The following ZBBX variants were observed in gnomAD, a reference collection of about 807,000 sequenced individuals.
ZBBX encodes the protein zinc finger B-box domain containing, also known as zinc finger B-box domain-containing protein 1.
A neutral mutation model predicts 108.5 loss-of-function variants in ZBBX; 101 were observed. The observed-to-expected ratio is 0.93, with a 90% confidence interval of 0.79 to 1.10. The LOEUF (loss-of-function observed/expected upper bound fraction) is 1.10, where lower values mean the gene tolerates loss of function less well. Among genes scored for constraint, ZBBX ranks in the 50% least tolerant of loss-of-function variants. ZBBX has a pLI of 0.00. For synonymous variants in ZBBX, 356 were observed against 323.4 expected (o/e 1.10, Z -1.08); for missense variants, 1,009 against 941.4 (o/e 1.07, Z -0.94).
At chr3:167,194,846 C>T in the ZBBX span, among the ~76,000 whole-genome samples, 1 of 152,188 alleles carries the variant, frequency 6.6e-6, no homozygotes, top group Non-Finnish European at 1.5e-5. Context: ...GCTAATGAAG[C>T]TCAAGCTTCA....
At chr3:167,383,351 A>T (rs1402008392), upstream of ZBBX, among the ~76,000 whole-genome samples, 3 of 152,044 alleles carry the variant, frequency 2.0e-5, no homozygotes, top group Non-Finnish European at 2.9e-5. Flanking sequence ...TGCTAAATAT[A>T]ACATCCTATT....
the ZBBX span, among the ~76,000 whole-genome samples, chr3:167,231,925 A>T: frequency 6.6e-6 from 1 of 151,808 alleles, no homozygotes; most frequent in East Asian, 1.9e-4. Context: ...AAATAGAATA[A>T]TTTTTCTAAA....
intron 18 of ZBBX, among the ~76,000 whole-genome samples, chr3:167,297,370 C>A (rs1183955883): frequency 1.3e-5 from 2 of 151,866 alleles, no homozygotes. Flanking sequence ...CCTTTGATAC[C>A]ATGTACAAAA....
the ZBBX span, among the ~76,000 whole-genome samples, chr3:167,191,844 T>C: frequency 6.8e-6 from 1 of 146,828 alleles, no homozygotes; most frequent in Non-Finnish European, 1.5e-5. Flanking sequence ...CTTGTTCCTT[T>C]TCATTTTAGT....
chr3:167,380,093 C>T (rs1005834584), intron 1 of ZBBX, among the ~76,000 whole-genome samples, 154 bp downstream of exon 1: 4 of 152,160 alleles, frequency 2.6e-5, no homozygotes, highest in Non-Finnish European at 4.4e-5. Flanking sequence ...CAAACACTTG[C>T]TGGGCCGGTG....
At chr3:167,292,032 A>C (rs1448217168) in intron 18 of ZBBX, among the ~76,000 whole-genome samples, 2 of 152,218 alleles carry the variant, frequency 1.3e-5, no homozygotes, top group Non-Finnish European at 2.9e-5. Flanking sequence ...TGCACCCAAC[A>C]CAGGAGCACC....
intron 9 of ZBBX, among the ~76,000 whole-genome samples, chr3:167,348,050 G>A (rs940583292): frequency 4.0e-5 from 6 of 151,644 alleles, no homozygotes; most frequent in African/African-American, 1.5e-4. Flanking sequence ...GATTTATTAG[G>A]AACTTAAATA....
chr3:167,366,835 GAAGTCCAAACT>G (rs1225940643), intron 5 of ZBBX: 2 of 455,954 alleles, frequency 4.4e-6, no homozygotes, highest in Non-Finnish European at 8.8e-6. Context: ...GATCCATTTA[GAAGTCCAAACT>G]AAGTCCAAAT....
chr3:167,343,968 G>T (rs530841393), intron 9 of ZBBX, among the ~76,000 whole-genome samples: 2 of 151,776 alleles, frequency 1.3e-5, no homozygotes, highest in African/African-American at 4.8e-5. Context: ...GAAACAACCC[G>T]AATATCCATC....
intron 20 of ZBBX, among the ~76,000 whole-genome samples, chr3:167,262,182 T>C (rs746127169): frequency 7.6e-6 from 1 of 131,600 alleles, no homozygotes. Context: ...ACTTCAACAG[T>C]TGGGGCACTC....
intron 13 of ZBBX, 80 bp downstream of exon 13, chr3:167,317,408 A>G: frequency 8.9e-7 from 1 of 1,122,926 alleles, no homozygotes; most frequent in Non-Finnish European, 1.3e-6. Flanking sequence ...AAGAAAACCA[A>G]AAGCAGATTC....
At chr3:167,355,825 A>C in intron 8 of ZBBX, among the ~76,000 whole-genome samples, 1 of 152,068 alleles carries the variant, frequency 6.6e-6, no homozygotes, top group East Asian at 1.9e-4. Context: ...AATCATTTTA[A>C]AGAATGTTTA....
At chr3:167,285,462 A>ATTACATATACAT (rs2108542220) in intron 19 of ZBBX, among the ~76,000 whole-genome samples, 1 of 151,118 alleles carries the variant, frequency 6.6e-6, no homozygotes, top group South Asian at 2.1e-4. Context: ...TTATACATAA[A>ATTACATATACAT]AAGAATTCTT....
intron 1 of ZBBX, among the ~76,000 whole-genome samples, chr3:167,395,736 G>A (rs1034224651): frequency 2.0e-5 from 3 of 151,942 alleles, no homozygotes; most frequent in Non-Finnish European, 4.4e-5. Flanking sequence ...AAGGCTGAGG[G>A]TTCCCTTCAA....
intron 16 of ZBBX, 26 bp from the exon 17 acceptor site, chr3:167,305,976 G>A: frequency 9.0e-6 from 13 of 1,441,272 alleles, no homozygotes; most frequent in South Asian, 8.2e-5. Flanking sequence ...AGTTACAAAA[G>A]GTACATAAAT....
At chr3:167,382,021 G>T (rs1210439984), upstream of ZBBX, among the ~76,000 whole-genome samples, 2 of 152,122 alleles carry the variant, frequency 1.3e-5, no homozygotes, top group Non-Finnish European at 2.9e-5. Context: ...TCCCAGTAAA[G>T]ATTATTTTGC....
chr3:167,320,243 C>CAA (rs201604484), intron 12 of ZBBX, among the ~76,000 whole-genome samples: 2,608 of 98,280 alleles, frequency 0.027, 85 homozygotes, highest in African/African-American at 0.078. Context: ...GCAAACTAAC[C>CAA]AAAAAAAAAA....
intron 20 of ZBBX, among the ~76,000 whole-genome samples, chr3:167,250,172 A>G (rs1560023069): frequency 6.6e-6 from 1 of 152,092 alleles, no homozygotes; most frequent in South Asian, 2.1e-4. Context: ...CAGATAGTAC[A>G]TTAGAGGACC....
intron 2 of ZBBX, among the ~76,000 whole-genome samples, chr3:167,376,611 C>CA (rs532666618): frequency 1.3e-5 from 2 of 152,162 alleles, no homozygotes; most frequent in East Asian, 1.9e-4. Context: ...TTTACTGATA[C>CA]AAAAAATGAA....
Sources: gnomAD v4.1 joint callset for allele counts (sites outside exome capture counted in the v4.1 genomes callset) on GRCh38, gnomAD v4.1.1 for gene constraint, MANE v1.5 for transcripts, NCBI Gene and HGNC (gene_info 2026-07-23, HGNC 2026-07-21) for gene names.